TGM6: variants seen among roughly 807,000 people sequenced by gnomAD.
TGM6 encodes protein-glutamine gamma-glutamyltransferase 6.
In TGM6, 74 loss-of-function variants were observed where a neutral mutation model predicts 77.5. That is an observed-to-expected ratio of 0.96 (90% CI 0.79 to 1.16). TGM6 has a LOEUF of 1.16. Among genes scored for constraint, TGM6 ranks in the 50% most tolerant of loss-of-function variants. The probability of loss-of-function intolerance (pLI) is 0.00; values close to 1 mark genes in which losing one functional copy is unlikely to be tolerated. For synonymous variants in TGM6, 383 were observed against 378.9 expected (o/e 1.01, Z -0.12); for missense variants, 968 against 940.2 (o/e 1.03, Z -0.39).
chr20:2,420,383 A>T (rs1311569421), intron 10 of TGM6, among the ~76,000 whole-genome samples: 1 of 152,182 alleles, frequency 6.6e-6, no homozygotes, highest in African/African-American at 2.4e-5. Context: ...GAGAGTTCCC[A>T]TACCCCTGTC....
chr20:2,421,876 A>C (rs2084858579), intron 10 of TGM6, among the ~76,000 whole-genome samples: 1 of 152,166 alleles, frequency 6.6e-6, no homozygotes, highest in Non-Finnish European at 1.5e-5. Flanking sequence ...TCACGGCTGT[A>C]ATCCCAGCAC....
intron 7 of TGM6, among the ~76,000 whole-genome samples, chr20:2,402,215 C>T (rs2084715323): frequency 6.6e-6 from 1 of 152,028 alleles, no homozygotes; most frequent in Non-Finnish European, 1.5e-5. Flanking sequence ...GCACTCCAGC[C>T]TAGGTGACAG....
At chr20:2,424,604 G>C (rs916694829) in intron 10 of TGM6, among the ~76,000 whole-genome samples, 1 of 152,188 alleles carries the variant, frequency 6.6e-6, no homozygotes, top group Non-Finnish European at 1.5e-5. Context: ...TTAGCAATAA[G>C]GCTATTTTGC....
At chr20:2,416,181 T>G (rs1599960187) in intron 9 of TGM6, among the ~76,000 whole-genome samples, 1 of 152,202 alleles carries the variant, frequency 6.6e-6, no homozygotes, top group Non-Finnish European at 1.5e-5. Context: ...GGCTACCCCA[T>G]AGGCAGTATG....
intron 9 of TGM6, among the ~76,000 whole-genome samples, chr20:2,408,551 C>T (rs2084766448): frequency 6.6e-6 from 1 of 152,174 alleles, no homozygotes; most frequent in African/African-American, 2.4e-5. Context: ...CCTACAGCAG[C>T]ATCAACTGCA....
At position 2,399,566 on chromosome 20, in the gene TGM6, C is replaced by G. The variant is rs1364343205; in HGVS notation, c.678C>G (p.Asn226Lys). ...CCGTGCCCTCCTCTGCCCAGGTGAA[C>G]AGCAACAACGACCGAGGTGTGGTGC... ...YVTRVISAMV[N>K]SNNDRGVVQG... The change falls in exon 6 of 13, where the codon AAC becomes AAG. Residue 226 changes from asparagine to lysine, a missense_variant. Asn to Lys is a moderately conservative substitution (Grantham distance 94). Transcript: ENST00000202625. 6.2e-7 allele frequency: 1 copy of G among 1,612,710 alleles called. No homozygotes were observed. The highest frequency in any genetic ancestry group is 2.2e-5 in the East Asian group (1 of 44,870).
At chr20:2,396,462 G>A in intron 3 of TGM6, 44 bp from the exon 4 acceptor site, 2 of 1,598,486 alleles carry the variant, frequency 1.3e-6, no homozygotes, top group South Asian at 1.1e-5. Context: ...AGGCCAGCAA[G>A]GCCAGAGCCC....
At chr20:2,384,305 T>C (rs1218540029) in intron 1 of TGM6, among the ~76,000 whole-genome samples, 1 of 151,536 alleles carries the variant, frequency 6.6e-6, no homozygotes, top group Non-Finnish European at 1.5e-5. Context: ...TATGTATAAT[T>C]ACTACCCCAT....
At chr20:2,381,099 A>G (rs973841171) in intron 1 of TGM6, 124 bp downstream of exon 1, 5 of 1,356,680 alleles carry the variant, frequency 3.7e-6, no homozygotes, top group African/African-American at 2.9e-5. Flanking sequence ...ATAGTCCACC[A>G]TGAACACATG....
At chr20:2,418,798 C>T (rs906805608) in intron 10 of TGM6, among the ~76,000 whole-genome samples, 3 of 152,008 alleles carry the variant, frequency 2.0e-5, no homozygotes, top group Admixed American at 6.5e-5. Context: ...ATATTGAGGC[C>T]GGGCGCGGTG....
In TGM6 at chr20:2,403,612, C is replaced by T. The variant is rs758477530; in HGVS notation, c.1125C>T (p.Thr375=). 27 of 1,614,044 alleles carry T rather than the reference C, an allele frequency of 1.7e-5. 1 individual carries two copies. Among genetic ancestry groups the T allele is most frequent in the South Asian group, 7.7e-5 (7 of 91,092 alleles). Residue 375 remains threonine (T), a synonymous_variant, in exon 9 of 13, where the codon ACC becomes ACT. Coordinates refer to ENST00000202625, the MANE Select transcript of TGM6 (RefSeq NM_198994.3). ...GVFRCGPASV[T]AIREGDVHLA... ...TCCGGTGCGGCCCAGCCTCAGTCAC[C>T]GCCATCCGCGAGGGTGATGTGCACC...
intron 5 of TGM6, 149 bp from the exon 6 acceptor site, chr20:2,399,412 C>T: frequency 1.0e-6 from 1 of 975,700 alleles, no homozygotes; most frequent in Admixed American, 1.9e-5. Flanking sequence ...TATTTTAAGG[C>T]AACAGATGCC....
At chr20:2,426,200 TG>T (rs2084886529) in intron 10 of TGM6, among the ~76,000 whole-genome samples, 1 of 152,180 alleles carries the variant, frequency 6.6e-6, no homozygotes, top group African/African-American at 2.4e-5. Context: ...CAGTTCTTCT[TG>T]TGTAGATCTT....
rs898763439 is a variant in TGM6 at position 2,403,515 on chromosome 20, G to A, written c.1093+15G>A. 1.2e-6 allele frequency: 2 copies of A among 1,614,038 alleles called. No homozygotes were observed. The highest frequency in any genetic ancestry group is 2.7e-5 in the African/African-American group (2 of 74,916). ...GGAGAGTGAAGGTACGCTCAATTGG[G>A]TGGGGTAAGTTCCAGACCCCTGCTT... On this transcript the variant is annotated intron_variant, in intron 8 of 12. Coordinates refer to ENST00000202625, the MANE Select transcript of TGM6 (RefSeq NM_198994.3).
intron 9 of TGM6, among the ~76,000 whole-genome samples, chr20:2,406,391 G>A (rs2084750574): frequency 6.6e-6 from 1 of 151,674 alleles, no homozygotes; most frequent in South Asian, 2.1e-4. Flanking sequence ...TACTCAGGAG[G>A]CTCCAGTGGG....
chr20:2,430,091 G>T (rs2084914584), intron 10 of TGM6, among the ~76,000 whole-genome samples: 1 of 152,270 alleles, frequency 6.6e-6, no homozygotes, highest in South Asian at 2.1e-4. Flanking sequence ...GAGAAGGATG[G>T]GATGAATGGA....
chr20:2,394,371 G>A (rs780730663), intron 1 of TGM6, 81 bp from the exon 2 acceptor site: 117 of 1,496,922 alleles, frequency 7.8e-5, no homozygotes, highest in Non-Finnish European at 1.0e-4. Flanking sequence ...ATGACTGGCC[G>A]AGAATGAATG....
chr20:2,400,546 C>T, intron 7 of TGM6, 102 bp downstream of exon 7: 1 of 1,538,228 alleles, frequency 6.5e-7, no homozygotes, highest in Non-Finnish European at 8.9e-7. Flanking sequence ...AGGCCCAGAG[C>T]CCAGCTCTCC....
At chr20:2,389,101 A>T (rs2084614630) in intron 1 of TGM6, among the ~76,000 whole-genome samples, 1 of 152,182 alleles carries the variant, frequency 6.6e-6, no homozygotes, top group African/African-American at 2.4e-5. Flanking sequence ...CGGAGGTGAC[A>T]TTGTGTAACT....
Sources: allele counts gnomAD v4.1 joint callset (sites outside exome capture counted in the v4.1 genomes callset), GRCh38; gene constraint gnomAD v4.1.1; transcripts MANE v1.5; gene names NCBI Gene and HGNC (gene_info 2026-07-23, HGNC 2026-07-21).